CABCOCO1: variants seen among roughly 807,000 people sequenced by gnomAD.
CABCOCO1 encodes the protein ciliary associated calcium binding coiled-coil 1.
Under a neutral mutation model 35.7 loss-of-function variants are expected in CABCOCO1, and 28 were observed. That is an observed-to-expected ratio of 0.78 (90% CI 0.58 to 1.07). The LOEUF is 1.07. CABCOCO1 is among the 50% of genes least tolerant of loss of function. The pLI is 0.00. For missense variants in CABCOCO1, 326 were observed against 309.2 expected, an observed-to-expected ratio of 1.05 and a Z score of -0.41; for synonymous variants, 95 against 100.1, an observed-to-expected ratio of 0.95 and a Z score of 0.30.
intron 1 of CABCOCO1, among the ~76,000 whole-genome samples, chr10:61,670,827 A>G (rs1027415677): frequency 1.3e-5 from 2 of 152,082 alleles, no homozygotes. Flanking sequence ...CCTGGCTTTG[A>G]GCAGTCTCAC....
chr10:61,746,563 A>G (rs1281048111), intron 5 of CABCOCO1, among the ~76,000 whole-genome samples: 1 of 152,130 alleles, frequency 6.6e-6, no homozygotes, highest in African/African-American at 2.4e-5. Flanking sequence ...TTGCTACACA[A>G]TTATTTCCAG....
At chr10:61,672,190 A>G (rs1347813809) in intron 1 of CABCOCO1, among the ~76,000 whole-genome samples, 1 of 152,166 alleles carries the variant, frequency 6.6e-6, no homozygotes, top group Admixed American at 6.5e-5. Context: ...TCTTGTGCCT[A>G]TGCTTGTCCT....
intron 4 of CABCOCO1, among the ~76,000 whole-genome samples, chr10:61,687,337 G>A (rs1288037952): frequency 6.6e-6 from 1 of 152,190 alleles, no homozygotes; most frequent in Non-Finnish European, 1.5e-5. Context: ...AAAATTGGAG[G>A]AGAGCCTATT....
At chr10:61,678,174 C>T (rs985863704) in intron 2 of CABCOCO1, among the ~76,000 whole-genome samples, 1 of 151,972 alleles carries the variant, frequency 6.6e-6, no homozygotes, top group Non-Finnish European at 1.5e-5. Context: ...GGAATAATAC[C>T]TCTGCCATAT....
At chr10:61,759,496 A>T (rs978251816) in intron 5 of CABCOCO1, among the ~76,000 whole-genome samples, 1 of 151,990 alleles carries the variant, frequency 6.6e-6, no homozygotes, top group African/African-American at 2.4e-5. Context: ...GAATTGTTAA[A>T]TACTCATAGT....
chr10:61,726,330 T>C (rs1179778296), intron 5 of CABCOCO1, among the ~76,000 whole-genome samples: 2 of 152,158 alleles, frequency 1.3e-5, no homozygotes, highest in African/African-American at 4.8e-5. Context: ...AACTTGTGCA[T>C]ATTCACAGGA....
intron 2 of CABCOCO1, among the ~76,000 whole-genome samples, chr10:61,680,441 T>G (rs1429243111): frequency 1.4e-5 from 1 of 69,368 alleles, no homozygotes; most frequent in Non-Finnish European, 3.3e-5. Flanking sequence ...TTAACATATA[T>G]AATATATTTT....
At chr10:61,754,675 C>A (rs1841860350) in intron 5 of CABCOCO1, among the ~76,000 whole-genome samples, 1 of 152,092 alleles carries the variant, frequency 6.6e-6, no homozygotes, top group Admixed American at 6.6e-5. Flanking sequence ...AGTGTCCTAG[C>A]CAGATTGCAA....
chr10:61,747,875 A>G (rs1841697099), intron 5 of CABCOCO1, among the ~76,000 whole-genome samples: 1 of 152,188 alleles, frequency 6.6e-6, no homozygotes, highest in Non-Finnish European at 1.5e-5. Flanking sequence ...AAACCCTCAC[A>G]TCAAGGCTGT....
intron 2 of CABCOCO1, among the ~76,000 whole-genome samples, chr10:61,676,068 G>GT (rs1564530439): frequency 2.0e-5 from 3 of 152,150 alleles, no homozygotes; most frequent in Non-Finnish European, 2.9e-5. Flanking sequence ...CTTTTCCTTA[G>GT]CAAGGTTAGT....
At chr10:61,680,537 A>ATGTTATATATAACATATTATATGTTATAT (rs1564532398) in intron 2 of CABCOCO1, among the ~76,000 whole-genome samples, 1 of 136,856 alleles carries the variant, frequency 7.3e-6, no homozygotes, top group Non-Finnish European at 1.5e-5. Context: ...ATGTTATATT[A>ATGTTATATATAACATATTATATGTTATAT]TGTTATATAT....
intron 1 of CABCOCO1, among the ~76,000 whole-genome samples, chr10:61,667,715 G>T (rs1589106770): frequency 6.6e-6 from 1 of 151,682 alleles, no homozygotes; most frequent in Non-Finnish European, 1.5e-5. Flanking sequence ...ACATATTTAT[G>T]TTATATAGAA....
At chr10:61,759,866 A>G (rs1245397406) in intron 5 of CABCOCO1, among the ~76,000 whole-genome samples, 193 bp from the exon 6 acceptor site, 2 of 152,088 alleles carry the variant, frequency 1.3e-5, no homozygotes, top group Non-Finnish European at 2.9e-5. Flanking sequence ...GTGGGAAAAC[A>G]AAGTGTTAAT....
intron 5 of CABCOCO1, among the ~76,000 whole-genome samples, chr10:61,733,695 A>T (rs906251202): frequency 3.9e-5 from 6 of 152,114 alleles, no homozygotes; most frequent in Admixed American, 1.3e-4. Context: ...AAAATATAAG[A>T]AACATTCACA....
chr10:61,681,101 T>C (rs1355282274), intron 2 of CABCOCO1, 42 bp from the exon 3 acceptor site: 12 of 1,229,814 alleles, frequency 9.8e-6, no homozygotes, highest in Admixed American at 7.0e-5. Context: ...TGGTTCAATA[T>C]CTAATCTGAA....
intron 5 of CABCOCO1, among the ~76,000 whole-genome samples, chr10:61,704,528 G>A (rs1840548458): frequency 6.6e-6 from 1 of 152,172 alleles, no homozygotes; most frequent in South Asian, 2.1e-4. Flanking sequence ...CTTGGAAGTA[G>A]ATCCTCCTCT....
chr10:61,751,260 A>C (rs1589154488), intron 5 of CABCOCO1, among the ~76,000 whole-genome samples: 6 of 116,888 alleles, frequency 5.1e-5, no homozygotes, highest in Admixed American at 2.2e-4. Flanking sequence ...TGGAGCACCC[A>C]CTCTGCTGCA....
At chr10:61,664,766 A>C (rs2131939813) in intron 1 of CABCOCO1, among the ~76,000 whole-genome samples, 1 of 152,312 alleles carries the variant, frequency 6.6e-6, no homozygotes, top group South Asian at 2.1e-4. Context: ...TAGTTGATGC[A>C]TAGAGCTGTG....
At chr10:61,706,855 C>CTCCCTGTAT (rs2132023587) in intron 5 of CABCOCO1, among the ~76,000 whole-genome samples, 1 of 152,208 alleles carries the variant, frequency 6.6e-6, no homozygotes, top group African/African-American at 2.4e-5. Flanking sequence ...TGCAGCTCTT[C>CTCCCTGTAT]TCCCTGTATT....
Sources: allele counts gnomAD v4.1 joint callset (sites outside exome capture counted in the v4.1 genomes callset), GRCh38; gene constraint gnomAD v4.1.1; transcripts MANE v1.5; gene names NCBI Gene and HGNC (gene_info 2026-07-23, HGNC 2026-07-21).